The following MAP3K9 variants were observed in gnomAD, a reference collection of about 807,000 sequenced individuals.
MAP3K9 encodes mixed lineage kinase 1 (tyr and ser/thr specificity).
MAP3K9 carries 46 observed loss-of-function variants against 95.8 expected under a neutral mutation model. That is an observed-to-expected ratio of 0.48 (90% confidence interval 0.38 to 0.61). The LOEUF is 0.61. MAP3K9 is among the 20% of genes least tolerant of loss of function. The pLI, the probability that MAP3K9 is intolerant of heterozygous loss-of-function variation, is 0.00. For synonymous variants in MAP3K9, 533 were observed against 593.8 expected (o/e 0.90, Z 1.49); for missense variants, 1,296 against 1,474.3 (o/e 0.88, Z 1.98).
Position 70,733,099 on chromosome 14 carries a change from C to T in MAP3K9, c.2270G>A (p.Gly757Glu). The T allele has an allele frequency of 6.2e-7, 1 of 1,614,120 alleles. No individual in the cohort carries two copies. Among genetic ancestry groups the T allele is most frequent in the East Asian group, 2.2e-5 (1 of 44,876 alleles). Reference sequence around the variant, plus strand: ...TAGGCCTGTGGCTGCCAGAACAGCCCCACAGCCGAGCAGAGCCACCTCGCA... The same window carrying T: ...TAGGCCTGTGGCTGCCAGAACAGCCTCACAGCCGAGCAGAGCCACCTCGCA... Reference protein sequence around the residue: ...RRCEVALLGCGAVLAATGLGF... With the variant: ...RRCEVALLGCEAVLAATGLGF... Residue 757 changes from glycine to glutamate, a missense_variant, in exon 11 of 12, where the codon GGG becomes GAG. Gly to Glu is a moderately conservative substitution (Grantham distance 98). Around this residue, in one of 5 missense-constraint regions of MAP3K9, gnomAD observed 12 missense variants for 30.9 expected, o/e 0.39. Transcript: ENST00000554752.
chr14:70,754,345 A>G (rs1566743030), intron 3 of MAP3K9, among the ~76,000 whole-genome samples: 1 of 152,228 alleles, frequency 6.6e-6, no homozygotes, highest in African/African-American at 2.4e-5. Context: ...AGATGAGCAC[A>G]TGAATAGGAG....
At chr14:70,787,045 A>G (rs987483298) in intron 2 of MAP3K9, among the ~76,000 whole-genome samples, 1 of 152,178 alleles carries the variant, frequency 6.6e-6, no homozygotes, top group South Asian at 2.1e-4. Flanking sequence ...AGGTATATAG[A>G]TAAGAATAGG....
At chr14:70,785,036 T>C (rs187882031) in intron 2 of MAP3K9, among the ~76,000 whole-genome samples, 1 of 152,262 alleles carries the variant, frequency 6.6e-6, no homozygotes, top group East Asian at 1.9e-4. Context: ...GGATCTCCTA[T>C]TGCAGTCTGT....
At chr14:70,757,894 A>T (rs1253365693) in intron 3 of MAP3K9, among the ~76,000 whole-genome samples, 1 of 152,172 alleles carries the variant, frequency 6.6e-6, no homozygotes. Flanking sequence ...CACATACAAA[A>T]ATTAAGTCAA....
chr14:70,777,709 G>A (rs1317461370), intron 2 of MAP3K9, among the ~76,000 whole-genome samples: 2 of 152,218 alleles, frequency 1.3e-5, no homozygotes, highest in African/African-American at 2.4e-5. Flanking sequence ...CCTTGGCTGT[G>A]AAAAGATATA....
At chr14:70,784,198 G>A (rs1222225906) in intron 2 of MAP3K9, among the ~76,000 whole-genome samples, 5 of 152,006 alleles carry the variant, frequency 3.3e-5, no homozygotes, top group African/African-American at 4.8e-5. Context: ...CAGGAGAATC[G>A]CTTGAACCCG....
intron 3 of MAP3K9, among the ~76,000 whole-genome samples, chr14:70,755,401 T>C (rs1397999093): frequency 6.6e-6 from 1 of 152,192 alleles, no homozygotes; most frequent in African/African-American, 2.4e-5. Context: ...TACACACATA[T>C]CTAGTTCTAA....
chr14:70,771,786 C>T (rs2054535186), intron 2 of MAP3K9, among the ~76,000 whole-genome samples: 1 of 152,204 alleles, frequency 6.6e-6, no homozygotes, highest in Admixed American at 6.5e-5. Context: ...ATTCATTAGA[C>T]ACAGCCAGCC....
intron 2 of MAP3K9, among the ~76,000 whole-genome samples, chr14:70,764,179 C>A (rs1235764640): frequency 5.3e-5 from 1 of 19,016 alleles, no homozygotes; most frequent in Non-Finnish European, 1.0e-4. Flanking sequence ...GGCGACAGAG[C>A]GAGACTCCGT....
At chr14:70,799,464 C>T (rs527867009) in intron 2 of MAP3K9, among the ~76,000 whole-genome samples, 65 of 152,156 alleles carry the variant, frequency 4.3e-4, no homozygotes, top group Non-Finnish European at 8.7e-4. Flanking sequence ...CTCAGCCTCC[C>T]GAGTAGCTGG....
chr14:70,803,337 TAAAAAAAAAAAA>T (rs10583563), intron 1 of MAP3K9, among the ~76,000 whole-genome samples: 2 of 75,200 alleles, frequency 2.7e-5, no homozygotes, highest in South Asian at 4.3e-4. Context: ...ATTCAGATCT[TAAAAAAAAAAAA>T]AAAAAAAAAA....
chr14:70,754,404 G>A (rs2054270641), intron 3 of MAP3K9, among the ~76,000 whole-genome samples: 1 of 151,976 alleles, frequency 6.6e-6, no homozygotes, highest in Non-Finnish European at 1.5e-5. Context: ...GTGGGTTCAG[G>A]GTGATTTTCT....
At position 70,730,313 on chromosome 14, in the gene MAP3K9, G is replaced by T; in HGVS notation, c.*67C>A. ...CTCAGGGGGTCCAACCCTGAGAAAG[G>T]GCTGTGCCCGCCAGCTCCCCTCATC... On this transcript the variant is annotated 3_prime_UTR_variant, in exon 12 of 12. Transcript: ENST00000554752. The T allele has an allele frequency of 6.5e-7, 1 of 1,546,580 alleles. No individual in the cohort carries two copies. The highest frequency in any genetic ancestry group is 8.7e-7 in the Non-Finnish European group (1 of 1,143,764).
chr14:70,797,355 G>A (rs908398720), intron 2 of MAP3K9, among the ~76,000 whole-genome samples: 1 of 151,712 alleles, frequency 6.6e-6, no homozygotes, highest in African/African-American at 2.4e-5. Context: ...GCAAAGAAGT[G>A]GCATAACACT....
intron 8 of MAP3K9, among the ~76,000 whole-genome samples, chr14:70,737,309 A>C (rs887619166): frequency 1.3e-5 from 2 of 152,230 alleles, no homozygotes; most frequent in Non-Finnish European, 2.9e-5. Flanking sequence ...TCCTTGCCTC[A>C]ACTCCATGAG....
Position 70,725,834 on chromosome 14 carries a change from A to G in MAP3K9, c.*4546T>C, listed in dbSNP as rs1050999854. On this transcript the variant is annotated 3_prime_UTR_variant, in exon 12 of 12. Coordinates refer to ENST00000554752, the MANE Select transcript of MAP3K9 (RefSeq NM_001284230.2). ...ACGTAAAACCGTACGTATATTTCACACACACACACACACACACTTTTCTGC... is the reference window on the plus strand; with the variant it reads ...ACGTAAAACCGTACGTATATTTCACGCACACACACACACACACTTTTCTGC... The G allele has an allele frequency of 1.3e-5, 2 of 151,494 alleles. No individual in the cohort carries two copies. Among genetic ancestry groups the G allele is most frequent in the Admixed American group, 1.3e-4 (2 of 15,186 alleles). The allele number at this position is 151,494 out of a possible 1,614,324, so 9.4% of individuals were successfully genotyped here. A position where few individuals can be genotyped will look rare whatever the true frequency, so the allele number is the denominator to read the frequency against.
Position 70,740,151 on chromosome 14 carries a change from C to T in MAP3K9, c.1581G>A (p.Lys527=). 10 of 1,612,836 alleles carry T rather than the reference C, an allele frequency of 6.2e-6. No homozygotes were observed. Among genetic ancestry groups the T allele is most frequent in the Non-Finnish European group, 8.5e-6 (10 of 1,178,940 alleles). Residue 527 remains lysine (K), a synonymous_variant, in exon 7 of 12, where the codon AAG becomes AAA. Transcript: ENST00000554752. ...RISLPSDFQH[K]FTVQASPTMD... The stretch of plus-strand genomic sequence containing the variant: ...TGGTAGGGGAGGCCTGCACCGTGAA[C>T]TTGTGCTGGAAATCTGCTTGGGGAA...
At chr14:70,766,370 C>G (rs1397801735) in intron 2 of MAP3K9, among the ~76,000 whole-genome samples, 1 of 152,132 alleles carries the variant, frequency 6.6e-6, no homozygotes, top group African/African-American at 2.4e-5. Context: ...GAGTACCTGG[C>G]ACTTGGAGCA....
At chr14:70,777,240 T>C (rs2054611931) in intron 2 of MAP3K9, among the ~76,000 whole-genome samples, 1 of 152,154 alleles carries the variant, frequency 6.6e-6, no homozygotes, top group South Asian at 2.1e-4. Context: ...CCCCCATCCA[T>C]ATCAAATCAC....
Sources: gnomAD v4.1 joint callset for allele counts (sites outside exome capture counted in the v4.1 genomes callset) on GRCh38, gnomAD v4.1.1 for gene constraint, gnomAD v4.1.1 regional missense constraint, MANE v1.5 for transcripts, NCBI Gene and HGNC (gene_info 2026-07-23, HGNC 2026-07-21) for gene names.